PIK3CA: variants seen among roughly 807,000 people sequenced by gnomAD.
PIK3CA encodes the protein phosphatidylinositol-4,5-bisphosphate 3-kinase catalytic subunit alpha, also known as phosphatidylinositol 4,5-bisphosphate 3-kinase catalytic subunit alpha isoform.
A neutral mutation model predicts 138.2 loss-of-function variants in PIK3CA; 27 were observed. The ratio of observed to expected loss-of-function variants is 0.20; its 90% CI spans 0.14 to 0.27. PIK3CA has a LOEUF of 0.27. PIK3CA is among the 10% of genes least tolerant of loss of function. The pLI is 1.00. For missense variants in PIK3CA, 544 were observed against 1,277.4 expected, an observed-to-expected ratio of 0.43 and a Z score of 8.75; for synonymous variants, 358 against 413.2, an observed-to-expected ratio of 0.87 and a Z score of 1.62.
At chr3:179,232,271 T>G (rs1725231640) in intron 20 of PIK3CA, among the ~76,000 whole-genome samples, 1 of 152,200 alleles carries the variant, frequency 6.6e-6, no homozygotes, top group African/African-American at 2.4e-5. Flanking sequence ...TCGATCCATC[T>G]TGAGTTGATT....
intron 9 of PIK3CA, among the ~76,000 whole-genome samples, chr3:179,212,467 G>C (rs146306657): frequency 6.6e-6 from 1 of 151,812 alleles, no homozygotes; most frequent in African/African-American, 2.4e-5. Context: ...AAATTAGCCA[G>C]GCGTTGTTGT....
chr3:179,220,625 G>T lies in PIK3CA; in HGVS notation c.2016-361G>T, dbSNP rs1288921639. 1.3e-5 allele frequency among the ~76,000 whole-genome samples: 2 copies of T among 152,064 alleles called. No homozygotes were observed. The highest frequency in any genetic ancestry group is 3.9e-4 in the East Asian group (2 of 5,194). ...GTTAAGTTGAAAACAAGAAGCATAG[G>T]CGTGTGTCAGAAGAGTCAAACAGCA... On this transcript the variant is annotated intron_variant, in intron 13 of 20. Coordinates refer to ENST00000263967, the MANE Select transcript of PIK3CA (RefSeq NM_006218.4). This position sits in a 1 kb window ranked among gnomAD's most constrained non-coding sequence, Gnocchi z 4.1.
In PIK3CA at chr3:179,219,333, A is replaced by G. The variant is rs1724913437; in HGVS notation, c.1746+56A>G. 1 of 1,077,142 alleles carries G rather than the reference A, an allele frequency of 9.3e-7. No homozygotes were observed. The highest frequency in any genetic ancestry group is 2.4e-5 in the East Asian group (1 of 42,116). The allele number at this position is 1,077,142 out of a possible 1,614,324, so 66.7% of individuals were successfully genotyped here. Reference sequence around the variant, plus strand: ...TGTTGTACAAATTGGTATGTCACTTAAATTGTTTTCTCTCAGAAAGTCCAC... The same window carrying G: ...TGTTGTACAAATTGGTATGTCACTTGAATTGTTTTCTCTCAGAAAGTCCAC... On this transcript the variant is annotated intron_variant, in intron 11 of 20. Coordinates refer to ENST00000263967, the MANE Select transcript of PIK3CA (RefSeq NM_006218.4). This position sits in a 1 kb window ranked among gnomAD's most constrained non-coding sequence, Gnocchi z 4.2.
intron 1 of PIK3CA, among the ~76,000 whole-genome samples, chr3:179,197,389 C>T (rs1354180568): frequency 1.3e-5 from 2 of 152,198 alleles, no homozygotes; most frequent in East Asian, 1.9e-4. Context: ...AACCATCCCA[C>T]CCCAAACTTG....
At chr3:179,216,312 A>G (rs1724835186) in intron 9 of PIK3CA, among the ~76,000 whole-genome samples, 1 of 152,240 alleles carries the variant, frequency 6.6e-6, no homozygotes, top group Admixed American at 6.5e-5. Context: ...GAATGACTTC[A>G]TCACACAATA....
At chr3:179,227,775 A>G (rs1333361183) in intron 17 of PIK3CA, among the ~76,000 whole-genome samples, 11 of 152,108 alleles carry the variant, frequency 7.2e-5, no homozygotes, top group Admixed American at 3.9e-4. Context: ...TTACGTGTCA[A>G]TCTGAATGTT....
At position 179,184,800 on chromosome 3, in the gene PIK3CA, C is replaced by G. The variant is rs116299884; in HGVS notation, c.-76-13950C>G. On this transcript the variant is annotated intron_variant, in intron 1 of 20. Transcript: ENST00000263967. ...TTCTACCAAGAAACCTGTAGCTAAC[C>G]CAAGTTTCACTTTATGATGGCAGCA... Among the ~76,000 whole-genome samples the G allele has an allele frequency of 2.2e-3, 333 of 152,228 alleles. 3 individuals carry two copies. The highest frequency in any genetic ancestry group is 4.0e-3 in the Non-Finnish European group (272 of 68,010).
At chr3:179,188,601 G>C (rs1051713722) in intron 1 of PIK3CA, among the ~76,000 whole-genome samples, 2 of 152,070 alleles carry the variant, frequency 1.3e-5, no homozygotes, top group Non-Finnish European at 2.9e-5. Context: ...TGAGAGTGAT[G>C]GTTTACTTCT....
intron 1 of PIK3CA, among the ~76,000 whole-genome samples, chr3:179,177,793 T>G (rs536907564): frequency 6.6e-6 from 1 of 152,142 alleles, no homozygotes; most frequent in South Asian, 2.1e-4. Context: ...AGCACTAATC[T>G]CAAAAGAAAA....
chr3:179,152,938 G>C (rs190571871), intron 1 of PIK3CA, among the ~76,000 whole-genome samples: 1 of 152,016 alleles, frequency 6.6e-6, no homozygotes, highest in African/African-American at 2.4e-5. Flanking sequence ...TATGCAGGAG[G>C]GTACAGTCTA....
At chr3:179,164,638 C>T (rs1007927271) in intron 1 of PIK3CA, among the ~76,000 whole-genome samples, 2 of 152,072 alleles carry the variant, frequency 1.3e-5, no homozygotes, top group South Asian at 2.1e-4. Context: ...GAGGCCAAGG[C>T]GGGTGGATAA....
At chr3:179,168,788 T>C (rs1723479886) in intron 1 of PIK3CA, among the ~76,000 whole-genome samples, 1 of 152,204 alleles carries the variant, frequency 6.6e-6, no homozygotes, top group Non-Finnish European at 1.5e-5. Context: ...ATATAAGGTA[T>C]AAATTGGAAA....
chr3:179,227,674 G>A (rs572536259), intron 17 of PIK3CA, among the ~76,000 whole-genome samples: 9 of 152,010 alleles, frequency 5.9e-5, no homozygotes, highest in Non-Finnish European at 1.3e-4. Flanking sequence ...AGTATTGACC[G>A]TATTAGGAAT....
chr3:179,166,979 C>A (rs1439760566), intron 1 of PIK3CA, among the ~76,000 whole-genome samples: 1 of 152,102 alleles, frequency 6.6e-6, no homozygotes, highest in Non-Finnish European at 1.5e-5. Flanking sequence ...ACCCAGCTGT[C>A]AGCTTTTTAC....
chr3:179,166,829 G>C (rs1723433541), intron 1 of PIK3CA, among the ~76,000 whole-genome samples: 1 of 152,100 alleles, frequency 6.6e-6, no homozygotes, highest in Non-Finnish European at 1.5e-5. Context: ...TCAACAACCA[G>C]CTGCAAAATT....
chr3:179,221,402 C>T (rs1451260926), intron 14 of PIK3CA, among the ~76,000 whole-genome samples: 3 of 152,092 alleles, frequency 2.0e-5, no homozygotes, highest in Non-Finnish European at 2.9e-5. Context: ...TTAAATTACA[C>T]GAGATATGCA....
intron 9 of PIK3CA, 131 bp from the exon 10 acceptor site, chr3:179,218,079 T>C: frequency 2.5e-6 from 2 of 811,542 alleles, no homozygotes; most frequent in South Asian, 3.6e-5. Flanking sequence ...GAAAATAAAT[T>C]ATTTTACAAC....
intron 9 of PIK3CA, among the ~76,000 whole-genome samples, chr3:179,216,783 A>G (rs746880325): frequency 1.3e-5 from 2 of 152,140 alleles, no homozygotes; most frequent in Non-Finnish European, 2.9e-5. Flanking sequence ...CCATCACTTT[A>G]TTCTTCTGTA....
At position 179,210,579 on chromosome 3, in the gene PIK3CA, C is replaced by G. The variant is rs2108401807; in HGVS notation, c.1539+14C>G. On this transcript the variant is annotated intron_variant, in intron 9 of 20. Coordinates refer to ENST00000263967, the MANE Select transcript of PIK3CA (RefSeq NM_006218.4). ...CACGCAGGACTGGTAAGGCAAATCACTGAGTTTATTAAGTATCAATTATAA... is the reference window on the plus strand; with the variant it reads ...CACGCAGGACTGGTAAGGCAAATCAGTGAGTTTATTAAGTATCAATTATAA... 1 of 1,610,994 alleles carries G rather than the reference C, an allele frequency of 6.2e-7. No homozygotes were observed. The highest frequency in any genetic ancestry group is 1.1e-5 in the South Asian group (1 of 90,598).
Sources: allele counts gnomAD v4.1 joint callset (sites outside exome capture counted in the v4.1 genomes callset), GRCh38; gene constraint gnomAD v4.1.1; non-coding constraint Gnocchi (gnomAD v3.1); transcripts MANE v1.5; gene names NCBI Gene and HGNC (gene_info 2026-07-23, HGNC 2026-07-21).